The following RAB11FIP4 variants were observed in gnomAD, a reference collection of about 807,000 sequenced individuals.
The protein encoded by RAB11FIP4 is RAB11 family interacting protein 4.
Under a neutral mutation model 74.3 loss-of-function variants are expected in RAB11FIP4, and 23 were observed. That is an observed-to-expected ratio of 0.31 (90% confidence interval 0.22 to 0.44). The LOEUF (loss-of-function observed/expected upper bound fraction) is 0.44, where lower values mean the gene tolerates loss of function less well. RAB11FIP4 is among the 20% of genes least tolerant of loss of function. The pLI is 1.00. For synonymous variants in RAB11FIP4, 360 were observed against 359.9 expected (o/e 1.00, Z 0.00); for missense variants, 630 against 863.9 (o/e 0.73, Z 3.39).
At chr17:31,434,818 A>C (rs1261341867) in intron 3 of RAB11FIP4, among the ~76,000 whole-genome samples, 1 of 152,226 alleles carries the variant, frequency 6.6e-6, no homozygotes, top group Non-Finnish European at 1.5e-5. Flanking sequence ...GAGCTTCCGC[A>C]CCTTCGCTTA....
At chr17:31,521,143 C>T (rs780392764) in intron 4 of RAB11FIP4, 23 bp from the exon 5 acceptor site, 1 of 1,528,092 alleles carries the variant, frequency 6.5e-7, no homozygotes, top group South Asian at 1.3e-5. Context: ...CCTCCTCTGA[C>T]TTGGGTGCTC....
intron 3 of RAB11FIP4, among the ~76,000 whole-genome samples, chr17:31,444,295 G>A (rs1158300899): frequency 6.6e-6 from 1 of 151,944 alleles, no homozygotes; most frequent in African/African-American, 2.4e-5. Flanking sequence ...CAGAGCCCAG[G>A]GAAGCAGCCT....
At chr17:31,509,728 G>A (rs947648183) in intron 3 of RAB11FIP4, among the ~76,000 whole-genome samples, 12 of 152,180 alleles carry the variant, frequency 7.9e-5, no homozygotes, top group Non-Finnish European at 1.6e-4. Flanking sequence ...GTCAGTCCCC[G>A]GGGCTGGCTG....
chr17:31,402,950 T>C, intron 1 of RAB11FIP4, among the ~76,000 whole-genome samples: 1 of 152,078 alleles, frequency 6.6e-6, no homozygotes, highest in East Asian at 1.9e-4. Flanking sequence ...GTGCTTATTA[T>C]GATAGGTGGA....
intron 1 of RAB11FIP4, among the ~76,000 whole-genome samples, chr17:31,430,649 G>A (rs1166846661): frequency 8.6e-5 from 13 of 151,980 alleles, no homozygotes; most frequent in Admixed American, 8.5e-4. Context: ...GTGAGCCACC[G>A]CGCCCGCCCT....
chr17:31,397,393 G>A (rs995518411), intron 1 of RAB11FIP4, among the ~76,000 whole-genome samples: 9 of 152,200 alleles, frequency 5.9e-5, no homozygotes, highest in Admixed American at 2.0e-4. Context: ...AGAATTGACA[G>A]GGGCCTGGAA....
chr17:31,534,405 C>G lies in RAB11FIP4; in HGVS notation c.*2673C>G, dbSNP rs1258351233. 1 of 152,138 alleles carries G rather than the reference C, an allele frequency of 6.6e-6. No homozygotes were observed. 9.4% of individuals were successfully genotyped at this position (152,138 alleles called of 1,614,324 possible). A position where few individuals can be genotyped will look rare whatever the true frequency, so the allele number is the denominator to read the frequency against. On this transcript the variant is annotated 3_prime_UTR_variant, in exon 15 of 15. Transcript: ENST00000621161. Reference sequence around the variant, plus strand: ...GCCTTAACTGCCTGAGTAGCTGGGACTACAGGCATGCACCACCACGCCCAG... The same window carrying G: ...GCCTTAACTGCCTGAGTAGCTGGGAGTACAGGCATGCACCACCACGCCCAG...
intron 9 of RAB11FIP4, 120 bp from the exon 10 acceptor site, chr17:31,524,970 A>G: frequency 8.3e-7 from 1 of 1,204,232 alleles, no homozygotes; most frequent in Non-Finnish European, 1.2e-6. Flanking sequence ...ACTGGCCCAC[A>G]CGCCCTCAGT....
Position 31,407,040 on chromosome 17 carries a change from A to ATT in RAB11FIP4, c.159+15057_159+15058dup, listed in dbSNP as rs59919036. On this transcript the variant is annotated intron_variant, in intron 1 of 14. Transcript: ENST00000621161. ...CACATTTGTTTTTTTGTTTCACTTG[A>ATT]TTTTTTTTTTTTTTTTTTTTTTTTT... Among the ~76,000 whole-genome samples the ATT allele has an allele frequency of 5.9e-3, 303 of 51,196 alleles. 41 individuals are homozygous for ATT. Among genetic ancestry groups the ATT allele is most frequent in the Admixed American group, 7.8e-3 (24 of 3,084 alleles). 33.6% of individuals were successfully genotyped at this position (51,196 alleles called of 152,430 possible). A position where few individuals can be genotyped will look rare whatever the true frequency, so the allele number is the denominator to read the frequency against.
At chr17:31,474,502 C>A (rs892180394) in intron 3 of RAB11FIP4, among the ~76,000 whole-genome samples, 7 of 151,984 alleles carry the variant, frequency 4.6e-5, no homozygotes, top group East Asian at 1.9e-4. Flanking sequence ...TGAAACCCAT[C>A]TCTACTGAAA....
intron 3 of RAB11FIP4, among the ~76,000 whole-genome samples, chr17:31,454,196 T>A (rs1293829089): frequency 6.6e-6 from 1 of 152,174 alleles, no homozygotes; most frequent in East Asian, 1.9e-4. Flanking sequence ...AAACAGCTGT[T>A]CTCAACCAGA....
chr17:31,522,541 A>G, intron 7 of RAB11FIP4, 146 bp downstream of exon 7: 1 of 710,554 alleles, frequency 1.4e-6, no homozygotes, highest in South Asian at 1.8e-5. Flanking sequence ...AGGGCAGTGC[A>G]GCCAGGGCAG....
At chr17:31,451,287 C>T (rs930699847) in intron 3 of RAB11FIP4, among the ~76,000 whole-genome samples, 3 of 151,758 alleles carry the variant, frequency 2.0e-5, no homozygotes, top group Non-Finnish European at 4.4e-5. Flanking sequence ...GGTGAAACCC[C>T]GTCTCTACTA....
chr17:31,453,810 AAAAG>A (rs1323193720), intron 3 of RAB11FIP4, among the ~76,000 whole-genome samples: 52 of 150,642 alleles, frequency 3.5e-4, no homozygotes, highest in African/African-American at 1.1e-3. Context: ...AAAAAAAAAA[AAAAG>A]AAAGAAAAGA....
chr17:31,525,900 C>T (rs1002221942), intron 10 of RAB11FIP4: 1 of 152,328 alleles, frequency 6.6e-6, no homozygotes, highest in African/African-American at 2.4e-5. Context: ...GGACAGCTGC[C>T]CTGGCACTCC....
chr17:31,419,920 G>A (rs775136534), intron 1 of RAB11FIP4, among the ~76,000 whole-genome samples: 1 of 152,188 alleles, frequency 6.6e-6, no homozygotes, highest in African/African-American at 2.4e-5. Flanking sequence ...CCCATAAAAC[G>A]AGTTGGGAAG....
intron 9 of RAB11FIP4, chr17:31,524,799 G>A (rs1202263745): frequency 1.8e-5 from 9 of 505,668 alleles, no homozygotes; most frequent in Admixed American, 3.5e-5. Context: ...GAGGCCTGAG[G>A]TGGTTCCGGC....
chr17:31,504,289 C>A (rs1293047007), intron 3 of RAB11FIP4, among the ~76,000 whole-genome samples: 2 of 149,966 alleles, frequency 1.3e-5, no homozygotes, highest in Non-Finnish European at 2.9e-5. Flanking sequence ...CACCACCACG[C>A]CCGGCTAATT....
At chr17:31,397,036 G>A (rs1013846791) in intron 1 of RAB11FIP4, among the ~76,000 whole-genome samples, 4 of 152,182 alleles carry the variant, frequency 2.6e-5, no homozygotes, top group African/African-American at 4.8e-5. Flanking sequence ...AGGATGGGCT[G>A]AGACCGGCCA....
Sources: allele counts gnomAD v4.1 joint callset (sites outside exome capture counted in the v4.1 genomes callset), GRCh38; gene constraint gnomAD v4.1.1; transcripts MANE v1.5; gene names NCBI Gene and HGNC (gene_info 2026-07-23, HGNC 2026-07-21).